Variants in ADCY1 observed in about 807,000 individuals in gnomAD.
ADCY1 encodes adenylate cyclase type 1.
Under a neutral mutation model 105.4 loss-of-function variants are expected in ADCY1, and 28 were observed. The ratio of observed to expected loss-of-function variants is 0.27; its 90% CI spans 0.20 to 0.36. The LOEUF (loss-of-function observed/expected upper bound fraction) is 0.36. Ranked by LOEUF, ADCY1 falls within the 10% of genes least tolerant of loss-of-function variation. The probability of loss-of-function intolerance (pLI) is 1.00; values close to 1 mark genes in which losing one functional copy is unlikely to be tolerated. For missense variants in ADCY1, 977 were observed against 1,434.2 expected, an observed-to-expected ratio of 0.68 and a Z score of 5.15; for synonymous variants, 655 against 623.8, an observed-to-expected ratio of 1.05 and a Z score of -0.75.
chr7:45,641,410 C>T (rs1794521144), intron 4 of ADCY1, among the ~76,000 whole-genome samples: 2 of 152,194 alleles, frequency 1.3e-5, no homozygotes, highest in Non-Finnish European at 2.9e-5. Context: ...CGTAATGTAG[C>T]TCCAACAATT....
intron 8 of ADCY1, among the ~76,000 whole-genome samples, chr7:45,666,991 T>C (rs1320425944): frequency 6.6e-6 from 1 of 152,244 alleles, no homozygotes; most frequent in Non-Finnish European, 1.5e-5. Context: ...TTTTTTCTTG[T>C]AAATTTATTT....
At chr7:45,657,917 A>AG in intron 6 of ADCY1, 32 bp downstream of exon 6, 2 of 431,052 alleles carry the variant, frequency 4.6e-6, no homozygotes, top group African/African-American at 2.6e-5. Context: ...GAGGGGAGGG[A>AG]GGTGGGTGAT....
At chr7:45,692,143 A>G (rs1238546520) in intron 14 of ADCY1, among the ~76,000 whole-genome samples, 2 of 152,162 alleles carry the variant, frequency 1.3e-5, no homozygotes, top group Non-Finnish European at 2.9e-5. Context: ...CGAGGAGCCA[A>G]ACCTTGGTGC....
chr7:45,622,895 C>G, intron 4 of ADCY1, 152 bp downstream of exon 4: 2 of 659,236 alleles, frequency 3.0e-6, no homozygotes, highest in Non-Finnish European at 5.2e-6. Context: ...TGTTTTTAGC[C>G]TCACTGTTCA....
intron 4 of ADCY1, among the ~76,000 whole-genome samples, chr7:45,629,026 G>A (rs954969770): frequency 6.6e-6 from 1 of 152,194 alleles, no homozygotes; most frequent in African/African-American, 2.4e-5. Context: ...CACGTGTGAA[G>A]CCATCACCAC....
intron 2 of ADCY1, among the ~76,000 whole-genome samples, chr7:45,595,111 A>C (rs2115790558): frequency 6.6e-6 from 1 of 152,352 alleles, no homozygotes; most frequent in Admixed American, 6.5e-5. Flanking sequence ...CATTTTTAGC[A>C]GTGTAAATAT....
chr7:45,643,085 C>A lies in ADCY1; in HGVS notation c.1021-5585C>A, dbSNP rs548965515. Among the ~76,000 whole-genome samples the A allele has an allele frequency of 2.0e-4, 29 of 148,346 alleles. No individual in the cohort carries two copies. In the South Asian group the frequency reaches 5.8e-3, roughly 30 times the overall value. On this transcript the variant is annotated intron_variant, in intron 4 of 19. Coordinates refer to ENST00000297323, the MANE Select transcript of ADCY1 (RefSeq NM_021116.4). ...AATTTCCTATTTTGGCAAGTGGGAGCCTGTTCAGGTTACTTTCTGTTTTCT... is the reference window on the plus strand; with the variant it reads ...AATTTCCTATTTTGGCAAGTGGGAGACTGTTCAGGTTACTTTCTGTTTTCT...
chr7:45,696,524 T>A (rs1329587251), intron 14 of ADCY1, among the ~76,000 whole-genome samples: 2 of 152,032 alleles, frequency 1.3e-5, no homozygotes, highest in African/African-American at 4.8e-5. Context: ...AGACCATGTT[T>A]AGCACAGTTA....
rs1301056801 is a variant in ADCY1, at chr7:45,686,269, G to A, written c.2327+54G>A. ...CCTAAGCAGCGGTGCTACTGAATCT[G>A]TGTATACAGATATGCACTACAGGCT... On this transcript the variant is annotated intron_variant, in intron 13 of 19. Coordinates refer to ENST00000297323, the MANE Select transcript of ADCY1 (RefSeq NM_021116.4). This position sits in a 1 kb window ranked among gnomAD's most constrained non-coding sequence, Gnocchi z 4.3. The A allele has an allele frequency of 8.9e-6, 14 of 1,580,968 alleles. No homozygotes were observed. The highest frequency in any genetic ancestry group is 1.2e-5 in the Non-Finnish European group (14 of 1,162,372).
chr7:45,669,223 G>A (rs1584320050), intron 8 of ADCY1, among the ~76,000 whole-genome samples: 1 of 152,102 alleles, frequency 6.6e-6, no homozygotes, highest in Non-Finnish European at 1.5e-5. Flanking sequence ...TGTGATGTTA[G>A]GGTGTCAATT....
chr7:45,636,735 T>A (rs1794407127), intron 4 of ADCY1, among the ~76,000 whole-genome samples: 2 of 152,212 alleles, frequency 1.3e-5, no homozygotes, highest in South Asian at 4.1e-4. Flanking sequence ...GAGAAGGGTG[T>A]TCACCATATT....
intron 1 of ADCY1, among the ~76,000 whole-genome samples, chr7:45,581,440 C>T (rs1792540780): frequency 6.6e-6 from 1 of 152,202 alleles, no homozygotes; most frequent in East Asian, 1.9e-4. Flanking sequence ...GTCTGTTTAG[C>T]CCAAGTGTTC....
intron 8 of ADCY1, chr7:45,664,159 C>A (rs117382368): frequency 0.023 from 18,126 of 778,064 alleles, 427 homozygotes; most frequent in South Asian, 0.091. Flanking sequence ...GAGGGTGGGG[C>A]GTTCCTGCTA....
At chr7:45,583,948 T>TG (rs1554314344) in intron 1 of ADCY1, among the ~76,000 whole-genome samples, 34,952 of 138,054 alleles carry the variant, frequency 0.25, 5,410 homozygotes, top group East Asian at 0.47. Flanking sequence ...TTTTTTTTTT[T>TG]TTTTTTTTTT....
chr7:45,713,969 T>G lies in ADCY1; in HGVS notation c.3334T>G (p.Ser1112Ala), dbSNP rs2116290685. 1 of 777,382 alleles carries G rather than the reference T, an allele frequency of 1.3e-6. No individual in the cohort carries two copies. Among genetic ancestry groups the G allele is most frequent in the Non-Finnish European group, 2.4e-6 (1 of 415,676 alleles). 48.2% of individuals were successfully genotyped at this position (777,382 alleles called of 1,614,324 possible). ...ACACTCCCCAGGCCAGTACCTGCCCTCTGCAGCAGCTGGGAAGGAGGCTTA... is the reference window on the plus strand; with the variant it reads ...ACACTCCCCAGGCCAGTACCTGCCCGCTGCAGCAGCTGGGAAGGAGGCTTA... ...PPHSPGQYLPSAAAGKEA is the reference protein window; with the variant it reads ...PPHSPGQYLPAAAAGKEA Residue 1112 changes from serine (S) to alanine (A), a missense_variant, in exon 20 of 20, where the codon TCT (serine) becomes GCT (alanine). Coordinates refer to ENST00000297323, the MANE Select transcript of ADCY1 (RefSeq NM_021116.4).
Position 45,575,311 on chromosome 7 carries a change from T to A in ADCY1, c.639+129T>A. ...GACACTGAGGCTCCGAGTGGGGGTG[T>A]GTTCAAGGTCACTCCTACGAGTTGG... is the stretch of plus-strand genomic sequence containing the variant. On this transcript the variant is annotated intron_variant, in intron 1 of 19. Transcript: ENST00000297323. The surrounding 1 kb of genome is among the most constrained non-coding windows in gnomAD (Gnocchi z 4.7). 1 of 1,206,048 alleles carries A rather than the reference T, an allele frequency of 8.3e-7. No individual in the cohort carries two copies. The highest frequency in any genetic ancestry group is 1.6e-5 in the South Asian group (1 of 62,770). The allele number at this position is 1,206,048 out of a possible 1,614,324, so 74.7% of individuals were successfully genotyped here.
At chr7:45,688,545 C>T (rs1033043407) in intron 14 of ADCY1, among the ~76,000 whole-genome samples, 2 of 152,166 alleles carry the variant, frequency 1.3e-5, no homozygotes, top group African/African-American at 4.8e-5. Flanking sequence ...AGAAGCAGCT[C>T]AGTGGGTTTA....
At chr7:45,610,837 T>TGATG (rs1793545483) in intron 3 of ADCY1, among the ~76,000 whole-genome samples, 4 of 86,468 alleles carry the variant, frequency 4.6e-5, no homozygotes, top group South Asian at 3.8e-4. Context: ...ATAGTGGAGG[T>TGATG]GTGGAGGCGA....
intron 6 of ADCY1, 29 bp from the exon 7 acceptor site, chr7:45,660,013 C>T (rs775950282): frequency 1.2e-6 from 2 of 1,613,572 alleles, no homozygotes; most frequent in Non-Finnish European, 1.7e-6. Flanking sequence ...GTTCCCCACT[C>T]ATCTGGCCTC....
Sources: allele counts gnomAD v4.1 joint callset (sites outside exome capture counted in the v4.1 genomes callset), GRCh38; gene constraint gnomAD v4.1.1; non-coding constraint Gnocchi (gnomAD v3.1); transcripts MANE v1.5; gene names NCBI Gene and HGNC (gene_info 2026-07-23, HGNC 2026-07-21).